Variants in ADIPOQ observed in about 807,000 individuals in gnomAD.
The protein encoded by ADIPOQ is adiponectin.
A neutral mutation model predicts 16.1 loss-of-function variants in ADIPOQ; 19 were observed. The ratio of observed to expected loss-of-function variants is 1.18; its 90% CI spans 0.82 to 1.73. The LOEUF is 1.73. ADIPOQ is among the 40% of genes most tolerant of loss of function. The probability of loss-of-function intolerance (pLI) is 0.00; values close to 1 mark genes in which losing one functional copy is unlikely to be tolerated. For synonymous variants in ADIPOQ, 124 were observed against 125.5 expected, an observed-to-expected ratio of 0.99 and a Z score of 0.08; for missense variants, 323 against 308.3, an observed-to-expected ratio of 1.05 and a Z score of -0.36.
chr3:186,848,911 G>A (rs1711658452), intron 1 of ADIPOQ, among the ~76,000 whole-genome samples: 1 of 152,076 alleles, frequency 6.6e-6, no homozygotes. Context: ...TCTTGGTCTT[G>A]GAAACTTCTG....
At chr3:186,854,062 G>T in intron 2 of ADIPOQ, 122 bp from the exon 3 acceptor site, 1 of 1,064,556 alleles carries the variant, frequency 9.4e-7, no homozygotes, top group East Asian at 2.6e-5. Flanking sequence ...GCTCTTATTG[G>T]TTTCTTGATC....
At position 186,857,605 on chromosome 3, in the gene ADIPOQ, G is replaced by C. The variant is rs1427301395; in HGVS notation, c.*2901G>C. 6.6e-6 allele frequency: 1 copy of C among 152,196 alleles called. No homozygotes were observed. The highest frequency in any genetic ancestry group is 1.5e-5 in the Non-Finnish European group (1 of 68,038). 9.4% of individuals were successfully genotyped at this position (152,196 alleles called of 1,614,324 possible). A position where few individuals can be genotyped will look rare whatever the true frequency, so the allele number is the denominator to read the frequency against. On this transcript the variant is annotated 3_prime_UTR_variant, in exon 3 of 3. Coordinates refer to ENST00000320741, the MANE Select transcript of ADIPOQ (RefSeq NM_004797.4). ...TTGTGGAACCAGAGGCACAGAGAGAGTCAACTGAGGCCAAAAGAGGCCTGA... is the reference window on the plus strand; with the variant it reads ...TTGTGGAACCAGAGGCACAGAGAGACTCAACTGAGGCCAAAAGAGGCCTGA...
intron 1 of ADIPOQ, among the ~76,000 whole-genome samples, chr3:186,850,384 A>G (rs1711712162): frequency 1.3e-5 from 2 of 151,952 alleles, no homozygotes; most frequent in African/African-American, 2.4e-5. Flanking sequence ...TGATGAGGGT[A>G]GTTAAGGTAT....
intron 1 of ADIPOQ, among the ~76,000 whole-genome samples, chr3:186,842,988 A>G (rs952953634): frequency 2.0e-5 from 3 of 152,198 alleles, no homozygotes; most frequent in African/African-American, 4.8e-5. Flanking sequence ...ACCATTCTGA[A>G]TTTTGCCCAG....
In ADIPOQ at chr3:186,854,188, T is replaced by C; in HGVS notation, c.219T>C (p.Leu73=). The C allele has an allele frequency of 2.5e-6, 4 of 1,612,880 alleles. No individual in the cohort carries two copies. The highest frequency in any genetic ancestry group is 3.4e-6 in the Non-Finnish European group (4 of 1,179,258). The part of the protein sequence containing the change: ...GEKGEKGDPG[L]IGPKGDIGET... ...TGAGGTCTTCTCATTCCTTAGGTCT[T>C]ATTGGTCCTAAGGGAGACATCGGTG... The change falls in exon 3 of 3, where the codon CTT becomes CTC. Residue 73 remains leucine (L), a synonymous_variant. Transcript: ENST00000320741.
chr3:186,852,828 G>A, intron 1 of ADIPOQ: 1 of 552,670 alleles, frequency 1.8e-6, no homozygotes, highest in South Asian at 2.3e-5. Context: ...GAGGAAAGGA[G>A]ACTACACACA....
chr3:186,853,167 A>T lies in ADIPOQ; in HGVS notation c.109A>T (p.Thr37Ser), dbSNP rs1162397702. ...VLLPLPKGAC[T>S]GWMAGIPGHP... ...GCTTCCCCTGCCCAAGGGGGCCTGC[A>T]CAGGTTGGATGGCGGGCATCCCAGG... The change falls in exon 2 of 3, where the codon ACA becomes TCA. Residue 37 changes from threonine to serine, a missense_variant. By Grantham distance (58) the Thr-to-Ser change is moderately conservative. Transcript: ENST00000320741. 6.2e-7 allele frequency: 1 copy of T among 1,614,196 alleles called. No individual in the cohort carries two copies. Among genetic ancestry groups the T allele is most frequent in the South Asian group, 1.1e-5 (1 of 91,086 alleles).
At chr3:186,844,355 C>T (rs1462720108) in intron 1 of ADIPOQ, among the ~76,000 whole-genome samples, 1 of 152,030 alleles carries the variant, frequency 6.6e-6, no homozygotes, top group Non-Finnish European at 1.5e-5. Context: ...CCATATTGGC[C>T]AGGATGGTCT....
chr3:186,856,903 C>G lies in ADIPOQ; in HGVS notation c.*2199C>G, dbSNP rs1304319209. The stretch of plus-strand genomic sequence containing the variant: ...TTATTCCTTTGCATAATAGAAATTA[C>G]CAGAGTTGTTCTGTCTTTAGATAAG... On this transcript the variant is annotated 3_prime_UTR_variant, in exon 3 of 3. Transcript: ENST00000320741. The G allele has an allele frequency of 6.6e-6, 1 of 152,092 alleles. No homozygotes were observed. Among genetic ancestry groups the G allele is most frequent in the East Asian group, 1.9e-4 (1 of 5,188 alleles). The allele number at this position is 152,092 out of a possible 1,614,324, so 9.4% of individuals were successfully genotyped here.
chr3:186,856,231 G>A lies in ADIPOQ; in HGVS notation c.*1527G>A, dbSNP rs1192375881. ...TATTGTTCTTTAAGAATTACAGGTT[G>A]AGGTAGTTGATGGTGGTAAACATTC... On this transcript the variant is annotated 3_prime_UTR_variant, in exon 3 of 3. Coordinates refer to ENST00000320741, the MANE Select transcript of ADIPOQ (RefSeq NM_004797.4). 6.6e-6 allele frequency: 1 copy of A among 152,208 alleles called. No individual in the cohort carries two copies. Among genetic ancestry groups the A allele is most frequent in the East Asian group, 1.9e-4 (1 of 5,200 alleles). The allele number at this position is 152,208 out of a possible 1,614,324, so 9.4% of individuals were successfully genotyped here.
In ADIPOQ at chr3:186,850,976, G is replaced by A. The variant is rs151126816; in HGVS notation, c.-8-2075G>A. ...TATATATGATAAAGATGAAAGATGA[G>A]TTGGATGTGCCACGTGAAGAGGGTA... On this transcript the variant is annotated intron_variant, in intron 1 of 2. Transcript: ENST00000320741. Among the ~76,000 whole-genome samples, 167 of 152,086 alleles carry A rather than the reference G, an allele frequency of 1.1e-3. 2 individuals are homozygous for A. Among genetic ancestry groups the A allele is most frequent in the African/African-American group, 3.8e-3 (159 of 41,442 alleles).
chr3:186,850,614 A>T (rs1478670371), intron 1 of ADIPOQ, among the ~76,000 whole-genome samples: 1 of 152,150 alleles, frequency 6.6e-6, no homozygotes, highest in Non-Finnish European at 1.5e-5. Flanking sequence ...TTCTTACAGA[A>T]TATAAAATAA....
chr3:186,842,973 A>G (rs1723039696), intron 1 of ADIPOQ, among the ~76,000 whole-genome samples: 1 of 152,222 alleles, frequency 6.6e-6, no homozygotes, highest in Non-Finnish European at 1.5e-5. Flanking sequence ...TCTAAGATGC[A>G]TGGAACCATT....
intron 1 of ADIPOQ, among the ~76,000 whole-genome samples, chr3:186,846,207 T>C (rs1711573556): frequency 6.6e-6 from 1 of 152,036 alleles, no homozygotes; most frequent in Non-Finnish European, 1.5e-5. Context: ...GGTGAGGTGA[T>C]TTCTGGGGCT....
chr3:186,853,640 T>C (rs1711869887), intron 2 of ADIPOQ: 1 of 298,766 alleles, frequency 3.3e-6, no homozygotes, highest in Non-Finnish European at 6.4e-6. Context: ...GTCCTGCCTT[T>C]GGGGAACTCT....
chr3:186,845,216 T>C (rs1275801358), intron 1 of ADIPOQ, among the ~76,000 whole-genome samples: 1 of 151,866 alleles, frequency 6.6e-6, no homozygotes, highest in Non-Finnish European at 1.5e-5. Context: ...GTGTTGGGCA[T>C]GGAGATATTG....
rs1317180194 is a variant in ADIPOQ, at chr3:186,848,122, AAG to A, written c.-8-4927_-8-4926del. ...CAGGAGGCGGAGGTTGCAGTGAGCC[AAG>A]ATGGTGCCATTGCACTCCAGCCTGG... On this transcript the variant is annotated intron_variant, in intron 1 of 2. Transcript: ENST00000320741. Among the ~76,000 whole-genome samples, 6 of 151,466 alleles carry A rather than the reference AAG, an allele frequency of 4.0e-5. No individual in the cohort carries two copies. In the South Asian group the frequency reaches 1.0e-3, roughly 26 times the overall value.
At chr3:186,850,084 C>A (rs1304366372) in intron 1 of ADIPOQ, among the ~76,000 whole-genome samples, 1 of 152,058 alleles carries the variant, frequency 6.6e-6, no homozygotes, top group Admixed American at 6.6e-5. Context: ...GCCTGGCCAA[C>A]ATGGTGAAAC....
chr3:186,846,563 CT>C (rs1479163437), intron 1 of ADIPOQ, among the ~76,000 whole-genome samples: 1 of 152,078 alleles, frequency 6.6e-6, no homozygotes, highest in East Asian at 1.9e-4. Flanking sequence ...CCCTTTTCTG[CT>C]GGAAGAGTTG....
Sources: allele counts gnomAD v4.1 joint callset (sites outside exome capture counted in the v4.1 genomes callset), GRCh38; gene constraint gnomAD v4.1.1; transcripts MANE v1.5; gene names NCBI Gene and HGNC (gene_info 2026-07-23, HGNC 2026-07-21).